Variants in PTPRD observed in about 807,000 individuals in gnomAD.
PTPRD encodes protein tyrosine phosphatase receptor type D.
PTPRD carries 34 observed loss-of-function variants against 214.5 expected under a neutral mutation model. That is an observed-to-expected ratio of 0.16 (90% confidence interval 0.12 to 0.21). PTPRD has a LOEUF of 0.21. Among genes scored for constraint, PTPRD ranks in the 10% least tolerant of loss-of-function variants. PTPRD has a pLI of 1.00. For missense variants in PTPRD, 2,545 were observed against 2,398.7 expected, an observed-to-expected ratio of 1.06 and a Z score of -1.27; for synonymous variants, 1,128 against 845.7, an observed-to-expected ratio of 1.33 and a Z score of -5.79.
intron 11 of PTPRD, among the ~76,000 whole-genome samples, chr9:8,891,466 C>T (rs1390722207): frequency 2.0e-5 from 3 of 149,356 alleles, no homozygotes; most frequent in African/African-American, 7.4e-5. Flanking sequence ...GGTAAGCGTT[C>T]TTTAACATAC....
intron 3 of PTPRD, among the ~76,000 whole-genome samples, chr9:10,338,616 C>G (rs1480214779): frequency 4.6e-5 from 7 of 151,622 alleles, no homozygotes; most frequent in Non-Finnish European, 8.8e-5. Context: ...ATTGCAAATA[C>G]CTGGCTAAAG....
intron 8 of PTPRD, among the ~76,000 whole-genome samples, chr9:9,406,039 T>G (rs2073188002): frequency 6.6e-6 from 1 of 151,996 alleles, no homozygotes; most frequent in Non-Finnish European, 1.5e-5. Context: ...AACTTTGGTT[T>G]GGAATATGAA....
At chr9:8,338,847 C>CAGAGATAGAGAGAGAGAG in intron 43 of PTPRD, 75 bp downstream of exon 43, 1 of 1,076,430 alleles carries the variant, frequency 9.3e-7, no homozygotes, top group Non-Finnish European at 1.3e-6. Context: ...GTGCTTCTCC[C>CAGAGATAGAGAGAGAGAG]AGAGAGAGAG....
chr9:8,974,344 T>TA (rs2099256099), intron 11 of PTPRD, among the ~76,000 whole-genome samples: 1 of 152,008 alleles, frequency 6.6e-6, no homozygotes, highest in Non-Finnish European at 1.5e-5. Context: ...AAATTGCCTT[T>TA]AAAAAAATTA....
At chr9:8,788,606 G>A (rs1017049146) in intron 11 of PTPRD, among the ~76,000 whole-genome samples, 1 of 152,138 alleles carries the variant, frequency 6.6e-6, no homozygotes, top group East Asian at 1.9e-4. Context: ...GCCTAAAAAC[G>A]TTTCCCTTAA....
chr9:9,706,825 G>A (rs1157053972), intron 7 of PTPRD, among the ~76,000 whole-genome samples: 1 of 152,100 alleles, frequency 6.6e-6, no homozygotes, highest in Admixed American at 6.6e-5. Flanking sequence ...ACAAAAGCCT[G>A]TTTGGGGTGG....
rs1324789694 is a variant in PTPRD, at chr9:9,669,626, AAC to A, written c.-287+64905_-287+64906del. Among the ~76,000 whole-genome samples the A allele has an allele frequency of 3.3e-5, 5 of 152,194 alleles. No homozygotes were observed. The East Asian group carries it at 7.7e-4, about 23-fold the overall frequency. Reference sequence around the variant, plus strand: ...TATTGTACTATTCCAAATAAATTATAACAGTTAAAAATCTATATATTTGTCTT... The same window carrying A: ...TATTGTACTATTCCAAATAAATTATAAGTTAAAAATCTATATATTTGTCTT... On this transcript the variant is annotated intron_variant, in intron 7 of 45. Coordinates refer to ENST00000381196, the MANE Select transcript of PTPRD (RefSeq NM_002839.4).
intron 5 of PTPRD, among the ~76,000 whole-genome samples, chr9:9,837,702 T>C (rs1424155314): frequency 2.0e-5 from 3 of 152,144 alleles, no homozygotes; most frequent in African/African-American, 7.2e-5. Flanking sequence ...GGTAGCATCC[T>C]AACCAGACTG....
At chr9:10,428,511 T>C (rs578069822) in intron 2 of PTPRD, among the ~76,000 whole-genome samples, 1 of 152,186 alleles carries the variant, frequency 6.6e-6, no homozygotes, top group East Asian at 1.9e-4. Context: ...GATACCTATG[T>C]TTACTTTATA....
chr9:9,942,107 A>T (rs2091610559), intron 4 of PTPRD, among the ~76,000 whole-genome samples: 1 of 152,078 alleles, frequency 6.6e-6, no homozygotes, highest in Non-Finnish European at 1.5e-5. Flanking sequence ...TTACTCTCAC[A>T]CTTGCCTCCA....
chr9:10,198,834 G>A (rs1014264019), intron 3 of PTPRD, among the ~76,000 whole-genome samples: 3 of 151,976 alleles, frequency 2.0e-5, no homozygotes, highest in South Asian at 2.1e-4. Context: ...CGTTGTAAAT[G>A]TATGAGATGA....
rs187490119 is a variant in PTPRD at position 9,372,798 on chromosome 9, G to T, written c.-203+24651C>A. ...GTGCTTCCTTCAGGAGCTCTTTTTG[G>T]GCAGGCCTGGTGGTGACAAAATCTC... On this transcript the variant is annotated intron_variant, in intron 9 of 45. Coordinates refer to ENST00000381196, the MANE Select transcript of PTPRD (RefSeq NM_002839.4). 7.8e-4 allele frequency among the ~76,000 whole-genome samples: 119 copies of T among 152,022 alleles called. 2 individuals are homozygous for T. Among genetic ancestry groups the T allele is most frequent in the Admixed American group, 7.8e-3 (119 of 15,240 alleles).
chr9:10,509,382 A>C (rs1173898674), intron 2 of PTPRD, among the ~76,000 whole-genome samples: 1 of 151,204 alleles, frequency 6.6e-6, no homozygotes, highest in Non-Finnish European at 1.5e-5. Flanking sequence ...ATCTAATCTT[A>C]TGTTACGGTT....
chr9:10,584,654 C>T (rs1332842664), intron 2 of PTPRD, among the ~76,000 whole-genome samples: 2 of 152,046 alleles, frequency 1.3e-5, no homozygotes, highest in Non-Finnish European at 2.9e-5. Context: ...TTTAAACTAC[C>T]TAGATTTGTG....
At chr9:9,342,291 G>A (rs2047100223) in intron 9 of PTPRD, among the ~76,000 whole-genome samples, 3 of 151,962 alleles carry the variant, frequency 2.0e-5, no homozygotes, top group Non-Finnish European at 2.9e-5. Flanking sequence ...TATTTCCCTG[G>A]GTCCCTGACT....
intron 4 of PTPRD, among the ~76,000 whole-genome samples, chr9:9,939,403 T>C (rs1256575853): frequency 6.6e-6 from 1 of 152,134 alleles, no homozygotes; most frequent in Non-Finnish European, 1.5e-5. Context: ...TTGTGGCTTG[T>C]GCAGTCTTTG....
intron 9 of PTPRD, among the ~76,000 whole-genome samples, chr9:9,228,216 T>G (rs1348931734): frequency 1.3e-5 from 2 of 152,154 alleles, no homozygotes; most frequent in Non-Finnish European, 2.9e-5. Context: ...AAGACATTCA[T>G]TCTTCATGCA....
At chr9:9,669,288 C>A (rs2096780887) in intron 7 of PTPRD, among the ~76,000 whole-genome samples, 1 of 152,204 alleles carries the variant, frequency 6.6e-6, no homozygotes, top group East Asian at 1.9e-4. Flanking sequence ...ACAAGGAACA[C>A]AACAGATAGA....
chr9:8,388,016 T>C (rs891621501), intron 37 of PTPRD, among the ~76,000 whole-genome samples: 2 of 152,224 alleles, frequency 1.3e-5, no homozygotes, highest in Non-Finnish European at 2.9e-5. Context: ...TTAATTCCCA[T>C]TTTAGACAAT....
Sources: allele counts gnomAD v4.1 joint callset (sites outside exome capture counted in the v4.1 genomes callset), GRCh38; gene constraint gnomAD v4.1.1; transcripts MANE v1.5; gene names NCBI Gene and HGNC (gene_info 2026-07-23, HGNC 2026-07-21).